SPTB: variants seen among roughly 807,000 people sequenced by gnomAD.
The protein encoded by SPTB is spectrin beta, erythrocytic.
SPTB carries 45 observed loss-of-function variants against 256.2 expected under a neutral mutation model. That is an observed-to-expected ratio of 0.18 (90% CI 0.14 to 0.23). The LOEUF is 0.23. Ranked by LOEUF, SPTB falls within the 10% of genes least tolerant of loss-of-function variation. The pLI is 1.00. For synonymous variants in SPTB, 1,231 were observed against 1,243.1 expected, an observed-to-expected ratio of 0.99 and a Z score of 0.21; for missense variants, 2,715 against 3,040.4, an observed-to-expected ratio of 0.89 and a Z score of 2.52.
At chr14:64,839,068 G>T (rs967880373) in intron 1 of SPTB, among the ~76,000 whole-genome samples, 1 of 152,016 alleles carries the variant, frequency 6.6e-6, no homozygotes, top group Admixed American at 6.5e-5. Context: ...GGAGGCAGAG[G>T]TTGCAGTGAG....
Position 64,758,596 on chromosome 14 carries a change from T to C in SPTB, c.6346-4803A>G, listed in dbSNP as rs1054776010. Reference sequence around the variant, plus strand: ...TGGATTTTACAAACAGCTCACAACTTTGTCAAGAAAAGACTTCGAGGAAGA... The same window carrying C: ...TGGATTTTACAAACAGCTCACAACTCTGTCAAGAAAAGACTTCGAGGAAGA... On this transcript the variant is annotated intron_variant, in intron 32 of 35. Coordinates refer to ENST00000644917, the MANE Select transcript of SPTB (RefSeq NM_001355436.2). The surrounding 1 kb of genome is among the most constrained non-coding windows in gnomAD (Gnocchi z 4.6). Among the ~76,000 whole-genome samples the C allele has an allele frequency of 3.3e-5, 5 of 152,234 alleles. No homozygotes were observed. The highest frequency in any genetic ancestry group is 7.3e-5 in the Non-Finnish European group (5 of 68,028).
chr14:64,800,327 G>A (rs1056074965), intron 8 of SPTB, among the ~76,000 whole-genome samples: 1 of 152,230 alleles, frequency 6.6e-6, no homozygotes, highest in Non-Finnish European at 1.5e-5. Context: ...GCACAGAGAT[G>A]AATGAGAAAT....
rs1165149172 is a variant in SPTB, at chr14:64,767,753, A to T, written c.6129T>A (p.Ser2043Arg). ...ASGDFGHTVD[S>R]VEKLIKRHEA... ...CATGCCTCTTGATGAGCTTCTCCACACTGTCCACTGTGTGTCCAAAGTCCC... is the reference window on the plus strand; with the variant it reads ...CATGCCTCTTGATGAGCTTCTCCACTCTGTCCACTGTGTGTCCAAAGTCCC... Residue 2043 changes from serine to arginine, a missense_variant, in exon 30 of 36, where the codon AGT becomes AGA. By Grantham distance (110) the Ser-to-Arg change is moderately radical. Coordinates refer to ENST00000644917, the MANE Select transcript of SPTB (RefSeq NM_001355436.2). 1.2e-6 allele frequency: 2 copies of T among 1,614,086 alleles called. No individual in the cohort carries two copies. Among genetic ancestry groups the T allele is most frequent in the Non-Finnish European group, 8.5e-7 (1 of 1,180,020 alleles).
In SPTB at chr14:64,759,608, T is replaced by TGTGGCTGA. The variant is rs2082065030; in HGVS notation, c.6346-5823_6346-5816dup. Among the ~76,000 whole-genome samples, 4 of 152,200 alleles carry TGTGGCTGA rather than the reference T, an allele frequency of 2.6e-5. No individual in the cohort carries two copies. In the South Asian group the frequency reaches 8.3e-4, roughly 31 times the overall value. ...CAGGAGGGGCGATGCTGGCTACTCA[T>TGTGGCTGA]GTGGCTGAGATGTGACTAAGGGACC... On this transcript the variant is annotated intron_variant, in intron 32 of 35. Coordinates refer to ENST00000644917, the MANE Select transcript of SPTB (RefSeq NM_001355436.2). This position sits in a 1 kb window ranked among gnomAD's most constrained non-coding sequence, Gnocchi z 4.8.
chr14:64,851,442 C>CAGTAGCAGTAGCAGTAGCAGT (rs1264689208), intron 1 of SPTB, among the ~76,000 whole-genome samples: 1 of 151,730 alleles, frequency 6.6e-6, no homozygotes, highest in African/African-American at 2.4e-5. Flanking sequence ...GAGTTAATAT[C>CAGTAGCAGTAGCAGTAGCAGT]AGTAGCAGTA....
chr14:64,833,408 G>A (rs2083477376), intron 1 of SPTB, among the ~76,000 whole-genome samples: 1 of 152,032 alleles, frequency 6.6e-6, no homozygotes. Context: ...AAAATTAGCT[G>A]GGCATGGTGG....
At chr14:64,798,097 C>T (rs1478034681) in intron 9 of SPTB, among the ~76,000 whole-genome samples, 1 of 152,204 alleles carries the variant, frequency 6.6e-6, no homozygotes, top group Non-Finnish European at 1.5e-5. Context: ...ATGGCCACCA[C>T]AGCATTTATC....
chr14:64,749,257 G>T lies in SPTB; in HGVS notation c.*49C>A, dbSNP rs115474163. 2,497 of 1,537,404 alleles carry T rather than the reference G, an allele frequency of 1.6e-3. 33 individuals carry two copies. In the African/African-American group the frequency reaches 0.031, roughly 19 times the overall value. Reference sequence around the variant, plus strand: ...GCGAGAGGAGGCCAAGGCCTGGGCTGCCCGGTCTCTGCGCGTCCCGACTCC... The same window carrying T: ...GCGAGAGGAGGCCAAGGCCTGGGCTTCCCGGTCTCTGCGCGTCCCGACTCC... On this transcript the variant is annotated 3_prime_UTR_variant, in exon 36 of 36. Transcript: ENST00000644917. This position sits in a 1 kb window ranked among gnomAD's most constrained non-coding sequence, Gnocchi z 4.7.
chr14:64,781,023 T>G (rs142149664), intron 20 of SPTB, among the ~76,000 whole-genome samples: 197 of 152,336 alleles, frequency 1.3e-3, no homozygotes, highest in African/African-American at 4.4e-3. Context: ...GCTAGCCATA[T>G]GCAGAACATT....
rs1037093654 is a variant in SPTB at position 64,758,586 on chromosome 14, G to C, written c.6346-4793C>G. On this transcript the variant is annotated intron_variant, in intron 32 of 35. Transcript: ENST00000644917. The surrounding 1 kb of genome is among the most constrained non-coding windows in gnomAD (Gnocchi z 4.6). ...AATTCACAAGTGGATTTTACAAACAGCTCACAACTTTGTCAAGAAAAGACT... is the reference window on the plus strand; with the variant it reads ...AATTCACAAGTGGATTTTACAAACACCTCACAACTTTGTCAAGAAAAGACT... Among the ~76,000 whole-genome samples the C allele has an allele frequency of 2.6e-5, 4 of 152,240 alleles. No homozygotes were observed. Among genetic ancestry groups the C allele is most frequent in the Admixed American group, 1.3e-4 (2 of 15,290 alleles).
chr14:64,767,377 T>TCAGAG (rs1171038825), intron 30 of SPTB, 25 bp from the exon 31 acceptor site: 2 of 1,613,518 alleles, frequency 1.2e-6, no homozygotes, highest in Admixed American at 3.3e-5. Flanking sequence ...GGCCCAGGGG[T>TCAGAG]CAGAGCAGCC....
Position 64,841,694 on chromosome 14 carries a change from A to T in SPTB, c.-51-18549T>A, listed in dbSNP as rs1015647403. Among the ~76,000 whole-genome samples, 1 of 152,130 alleles carries T rather than the reference A, an allele frequency of 6.6e-6. No individual in the cohort carries two copies. Among genetic ancestry groups the T allele is most frequent in the Non-Finnish European group, 1.5e-5 (1 of 68,030 alleles). ...CCCAGGACAGACCAGTGGCAGAGTC[A>T]GAGGGAAATGTCTACGTCTAATCTC... On this transcript the variant is annotated intron_variant, in intron 1 of 35. Transcript: ENST00000644917. The surrounding 1 kb of genome is among the most constrained non-coding windows in gnomAD (Gnocchi z 4.6).
In SPTB at chr14:64,845,769, A is replaced by T. The variant is rs2083682492; in HGVS notation, c.-51-22624T>A. Among the ~76,000 whole-genome samples, 1 of 152,152 alleles carries T rather than the reference A, an allele frequency of 6.6e-6. No individual in the cohort carries two copies. The highest frequency in any genetic ancestry group is 1.5e-5 in the Non-Finnish European group (1 of 68,028). ...AATGAGTTCTGCCATGGGCTCGCCT[A>T]GTCTCTTCATTGTTGAGTCAAATTA... On this transcript the variant is annotated intron_variant, in intron 1 of 35. Transcript: ENST00000644917. This position sits in a 1 kb window ranked among gnomAD's most constrained non-coding sequence, Gnocchi z 4.8.
chr14:64,839,143 C>A (rs921856095), intron 1 of SPTB, among the ~76,000 whole-genome samples: 6 of 151,986 alleles, frequency 3.9e-5, no homozygotes, highest in Non-Finnish European at 8.8e-5. Flanking sequence ...AAAATAAAAG[C>A]CTCTATGCAA....
In SPTB at chr14:64,772,278, G is replaced by A. The variant is rs2082288553; in HGVS notation, c.5553+302C>T. Among the ~76,000 whole-genome samples, 1 of 152,240 alleles carries A rather than the reference G, an allele frequency of 6.6e-6. No homozygotes were observed. The highest frequency in any genetic ancestry group is 2.4e-5 in the African/African-American group (1 of 41,474). ...CAGCGGCTACATACATTGCTCAGAAGAGCACCTGGTGCTAGAAAAGTGCTG... is the reference window on the plus strand; with the variant it reads ...CAGCGGCTACATACATTGCTCAGAAAAGCACCTGGTGCTAGAAAAGTGCTG... On this transcript the variant is annotated intron_variant, in intron 26 of 35. Coordinates refer to ENST00000644917, the MANE Select transcript of SPTB (RefSeq NM_001355436.2). This position sits in a 1 kb window ranked among gnomAD's most constrained non-coding sequence, Gnocchi z 5.4.
intron 30 of SPTB, 39 bp downstream of exon 30, chr14:64,767,624 G>A (rs774877090): frequency 6.2e-7 from 1 of 1,610,990 alleles, no homozygotes; most frequent in Non-Finnish European, 8.5e-7. Flanking sequence ...GGGCACAGTT[G>A]CCACCCTCCT....
intron 32 of SPTB, chr14:64,763,773 T>C: frequency 1.9e-6 from 1 of 519,046 alleles, no homozygotes; most frequent in Middle Eastern, 3.2e-4. Flanking sequence ...ATGAACGGAT[T>C]GGCCTTTACC....
In SPTB at chr14:64,771,044, T is replaced by C. The variant is rs771256092; in HGVS notation, c.5639A>G (p.Glu1880Gly). The C allele has an allele frequency of 3.1e-6, 5 of 1,614,048 alleles. No homozygotes were observed. Among genetic ancestry groups the C allele is most frequent in the Non-Finnish European group, 4.2e-6 (5 of 1,180,056 alleles). The stretch of plus-strand genomic sequence containing the variant: ...CAGCGCCTGCCACGCGGCAGACACC[T>C]CCTGCTCCTTGTTCTGGATGGCCTC... ...KAEAIQNKEQ[E>G]VSAAWQALLD... The change falls in exon 27 of 36, where the codon GAG becomes GGG. Residue 1880 changes from glutamate (E) to glycine (G), a missense_variant. Glu to Gly is a moderately conservative substitution (Grantham distance 98, BLOSUM62 -2). Transcript: ENST00000644917.
intron 32 of SPTB, among the ~76,000 whole-genome samples, chr14:64,765,414 T>A (rs34132719): frequency 0.05 from 7,578 of 152,160 alleles, 289 homozygotes; most frequent in African/African-American, 0.1. Context: ...CCAGGCTCCC[T>A]GCACAGACCC....
Sources: allele counts gnomAD v4.1 joint callset (sites outside exome capture counted in the v4.1 genomes callset), GRCh38; gene constraint gnomAD v4.1.1; non-coding constraint Gnocchi (gnomAD v3.1); transcripts MANE v1.5; gene names NCBI Gene and HGNC (gene_info 2026-07-23, HGNC 2026-07-21).